The following ENPP6 variants were observed in gnomAD, a reference collection of about 807,000 sequenced individuals.
The protein encoded by ENPP6 is ectonucleotide pyrophosphatase/phosphodiesterase 6, also known as glycerophosphocholine cholinephosphodiesterase ENPP6.
A neutral mutation model predicts 42.0 loss-of-function variants in ENPP6; 32 were observed. The observed-to-expected ratio is 0.76, with a 90% CI of 0.58 to 1.02. The LOEUF is 1.02. ENPP6 is among the 50% of genes least tolerant of loss of function. The pLI is 0.00. For missense variants in ENPP6, 552 were observed against 566.8 expected (o/e 0.97, Z 0.27); for synonymous variants, 213 against 216.0 (o/e 0.99, Z 0.12).
intron 1 of ENPP6, among the ~76,000 whole-genome samples, chr4:184,192,312 C>G (rs556632650): frequency 6.6e-6 from 1 of 152,182 alleles, no homozygotes; most frequent in South Asian, 2.1e-4. Flanking sequence ...AAATTGAGAG[C>G]CCAAGAATAA....
chr4:184,175,799 C>T (rs760942636), intron 1 of ENPP6, among the ~76,000 whole-genome samples: 3 of 152,150 alleles, frequency 2.0e-5, no homozygotes, highest in East Asian at 1.9e-4. Flanking sequence ...CATTAGAGGA[C>T]CTGGCCAGAT....
chr4:184,115,840 T>C (rs1338541150), intron 5 of ENPP6, among the ~76,000 whole-genome samples: 4 of 152,156 alleles, frequency 2.6e-5, no homozygotes, highest in Non-Finnish European at 4.4e-5. Context: ...GGCAGAAGCC[T>C]CTTTCCTGAG....
At chr4:184,150,885 T>C (rs1737012453) in intron 2 of ENPP6, among the ~76,000 whole-genome samples, 1 of 152,260 alleles carries the variant, frequency 6.6e-6, no homozygotes, top group African/African-American at 2.4e-5. Flanking sequence ...AAGGCATTTT[T>C]GTCACATCCC....
chr4:184,112,797 G>A lies in ENPP6; in HGVS notation c.868C>T (p.Leu290=), dbSNP rs201995765. Residue 290 remains leucine, a synonymous_variant, in exon 6 of 8, where the codon CTG becomes TTG. Coordinates refer to ENST00000296741, the MANE Select transcript of ENPP6 (RefSeq NM_153343.4). ...ACAGTCATGTGTTCCACTGTGCTCA[G>A]TTTGTTATATATCTGCAAAGAAAAT... ...PGKHSEIYNK[L]STVEHMTVYE... is the part of the protein sequence containing the mutation. The A allele has an allele frequency of 1.8e-5, 29 of 1,613,220 alleles. No homozygotes were observed. In the African/African-American group the frequency reaches 1.9e-4, roughly 10 times the overall value.
At chr4:184,200,192 C>T (rs142848501) in intron 1 of ENPP6, among the ~76,000 whole-genome samples, 1 of 152,314 alleles carries the variant, frequency 6.6e-6, no homozygotes, top group East Asian at 1.9e-4. Flanking sequence ...ACCCTTAGAG[C>T]CTCTGCCCAT....
chr4:184,133,712 G>A (rs1736682404), intron 2 of ENPP6, among the ~76,000 whole-genome samples: 1 of 150,004 alleles, frequency 6.7e-6, no homozygotes, highest in Non-Finnish European at 1.5e-5. Context: ...TTTTTTTTTG[G>A]TAGATATCCT....
intron 1 of ENPP6, among the ~76,000 whole-genome samples, chr4:184,185,660 T>A (rs111959284): frequency 6.6e-6 from 1 of 152,192 alleles, no homozygotes; most frequent in East Asian, 1.9e-4. Flanking sequence ...AGAAAAACAA[T>A]CAGACAAATC....
intron 2 of ENPP6, among the ~76,000 whole-genome samples, chr4:184,144,168 C>T (rs1736878480): frequency 1.3e-5 from 2 of 152,230 alleles, no homozygotes; most frequent in African/African-American, 4.8e-5. Context: ...GTGCAGACTG[C>T]CCCACTCACC....
At chr4:184,131,268 C>T (rs758256488) in intron 2 of ENPP6, among the ~76,000 whole-genome samples, 756 of 69,266 alleles carry the variant, frequency 0.011, 46 homozygotes, top group Middle Eastern at 0.045. Context: ...CTCTTCCTTC[C>T]TTCCTTCCTT....
At chr4:184,205,319 C>G (rs1434087906) in intron 1 of ENPP6, among the ~76,000 whole-genome samples, 1 of 152,180 alleles carries the variant, frequency 6.6e-6, no homozygotes, top group Non-Finnish European at 1.5e-5. Context: ...GGAGAGAGAG[C>G]GCTGGTGGGG....
chr4:184,178,944 A>G (rs2111098720), intron 1 of ENPP6, among the ~76,000 whole-genome samples: 1 of 152,352 alleles, frequency 6.6e-6, no homozygotes, highest in Non-Finnish European at 1.5e-5. Context: ...AAGACCAATG[A>G]CACTATGAAG....
At chr4:184,100,814 G>A (rs567651928) in intron 6 of ENPP6, among the ~76,000 whole-genome samples, 24 of 152,212 alleles carry the variant, frequency 1.6e-4, no homozygotes, top group Admixed American at 3.3e-4. Flanking sequence ...TTTCAGGGCC[G>A]GTTTATTCAG....
intron 1 of ENPP6, among the ~76,000 whole-genome samples, chr4:184,170,810 A>G (rs1430930904): frequency 6.6e-6 from 1 of 152,178 alleles, no homozygotes; most frequent in African/African-American, 2.4e-5. Flanking sequence ...TGGTGGGTTT[A>G]GATGGTGTCA....
chr4:184,110,883 A>C (rs1736186611), intron 6 of ENPP6, among the ~76,000 whole-genome samples: 1 of 152,188 alleles, frequency 6.6e-6, no homozygotes, highest in African/African-American at 2.4e-5. Flanking sequence ...GTCTCCCAGC[A>C]CTGCGTTTCA....
chr4:184,183,162 G>A (rs1486752989), intron 1 of ENPP6, among the ~76,000 whole-genome samples: 1 of 152,232 alleles, frequency 6.6e-6, no homozygotes, highest in African/African-American at 2.4e-5. Context: ...CGATGTGCAT[G>A]CCGTATTTGT....
intron 1 of ENPP6, among the ~76,000 whole-genome samples, chr4:184,165,439 C>T (rs1331636354): frequency 6.6e-6 from 1 of 152,222 alleles, no homozygotes. Context: ...CGCACCAGCA[C>T]CTGCTCCCCT....
chr4:184,118,016 CCAGA>C (rs1288548428), intron 3 of ENPP6, 116 bp from the exon 4 acceptor site: 2 of 1,302,644 alleles, frequency 1.5e-6, no homozygotes, highest in African/African-American at 3.0e-5. Flanking sequence ...TGTCCCTGGG[CCAGA>C]CAAAGCCAAT....
chr4:184,120,536 C>T (rs111409961), intron 3 of ENPP6, among the ~76,000 whole-genome samples: 1,629 of 152,326 alleles, frequency 0.011, 39 homozygotes, highest in African/African-American at 0.032. Flanking sequence ...CTCCACCAAC[C>T]CCATGAGCCA....
chr4:184,206,726 A>T (rs10034135), intron 1 of ENPP6, among the ~76,000 whole-genome samples: 59,661 of 152,056 alleles, frequency 0.39, 13,603 homozygotes, highest in East Asian at 0.84. Flanking sequence ...ACCCCAGAAC[A>T]TGATATCTAG....
Sources: allele counts gnomAD v4.1 joint callset (sites outside exome capture counted in the v4.1 genomes callset), GRCh38; gene constraint gnomAD v4.1.1; transcripts MANE v1.5; gene names NCBI Gene and HGNC (gene_info 2026-07-23, HGNC 2026-07-21).